Variants in CHL1 observed in about 807,000 individuals in gnomAD.
CHL1 encodes the protein neural cell adhesion molecule L1-like protein.
A neutral mutation model predicts 141.9 loss-of-function variants in CHL1; 96 were observed. That is an observed-to-expected ratio of 0.68 (90% CI 0.57 to 0.80). The LOEUF (loss-of-function observed/expected upper bound fraction) is 0.80. Ranked by LOEUF, CHL1 falls within the 30% of genes least tolerant of loss-of-function variation. CHL1 has a pLI of 0.00. For synonymous variants in CHL1, 613 were observed against 502.2 expected, an observed-to-expected ratio of 1.22 and a Z score of -2.95; for missense variants, 1,820 against 1,457.2, an observed-to-expected ratio of 1.25 and a Z score of -4.05.
intron 15 of CHL1, among the ~76,000 whole-genome samples, chr3:373,437 C>CACAGTGG (rs548440063): frequency 6.6e-5 from 10 of 152,346 alleles, no homozygotes; most frequent in Admixed American, 3.3e-4. Context: ...CTGTGGGGGA[C>CACAGTGG]GTGTCTTGGG....
intron 5 of CHL1, among the ~76,000 whole-genome samples, chr3:329,111 T>C (rs1413180011): frequency 2.0e-5 from 3 of 152,154 alleles, no homozygotes; most frequent in Non-Finnish European, 4.4e-5. Flanking sequence ...TTATTTGCCC[T>C]ATGTGCATGG....
At chr3:378,218 C>T (rs1575220730) in intron 16 of CHL1, among the ~76,000 whole-genome samples, 1 of 152,132 alleles carries the variant, frequency 6.6e-6, no homozygotes, top group Non-Finnish European at 1.5e-5. Context: ...ATAAAGCACG[C>T]TTGAGTTCCT....
intron 2 of CHL1, among the ~76,000 whole-genome samples, chr3:277,055 G>A (rs1019380215): frequency 1.3e-5 from 2 of 151,942 alleles, no homozygotes; most frequent in South Asian, 2.1e-4. Flanking sequence ...CTGCCTCATA[G>A]GATTATTATT....
At chr3:273,520 T>C (rs1006215074) in intron 2 of CHL1, among the ~76,000 whole-genome samples, 6 of 152,192 alleles carry the variant, frequency 3.9e-5, no homozygotes, top group Non-Finnish European at 7.3e-5. Context: ...CAGTCCCTTA[T>C]TGTTTTGCCA....
intron 2 of CHL1, among the ~76,000 whole-genome samples, chr3:280,785 A>G (rs1696570745): frequency 6.6e-6 from 1 of 152,128 alleles, no homozygotes; most frequent in Non-Finnish European, 1.5e-5. Context: ...AAGTTTAATC[A>G]TTACTCTTCT....
At chr3:258,809 C>G (rs1574884068) in intron 2 of CHL1, among the ~76,000 whole-genome samples, 1 of 151,850 alleles carries the variant, frequency 6.6e-6, no homozygotes, top group African/African-American at 2.4e-5. Flanking sequence ...CTTCTTTATC[C>G]ATACCCTAAG....
chr3:339,287 A>G (rs1702178427), intron 5 of CHL1, among the ~76,000 whole-genome samples: 1 of 152,196 alleles, frequency 6.6e-6, no homozygotes, highest in African/African-American at 2.4e-5. Context: ...TTTCCATAGC[A>G]TTTGATGTCA....
chr3:334,766 G>A (rs1329799935), intron 5 of CHL1, among the ~76,000 whole-genome samples: 1 of 152,110 alleles, frequency 6.6e-6, no homozygotes, highest in East Asian at 1.9e-4. Flanking sequence ...ATTTAGTTGT[G>A]TACTGTTAGG....
intron 2 of CHL1, among the ~76,000 whole-genome samples, chr3:296,348 A>G (rs997780562): frequency 6.6e-6 from 1 of 152,230 alleles, no homozygotes; most frequent in African/African-American, 2.4e-5. Flanking sequence ...ACTATTTTAT[A>G]TACCAAAATT....
intron 2 of CHL1, among the ~76,000 whole-genome samples, chr3:285,355 T>C (rs1221056632): frequency 3.3e-5 from 5 of 152,228 alleles, no homozygotes; most frequent in Non-Finnish European, 5.9e-5. Context: ...AAAATGCCAA[T>C]GGCATTTAAA....
intron 1 of CHL1, among the ~76,000 whole-genome samples, chr3:218,917 C>A (rs941186754): frequency 6.6e-6 from 1 of 152,078 alleles, no homozygotes; most frequent in Non-Finnish European, 1.5e-5. Flanking sequence ...GAGGCCAAGA[C>A]GGGCGGATCA....
intron 1 of CHL1, among the ~76,000 whole-genome samples, chr3:244,144 T>G (rs914762051): frequency 1.3e-5 from 2 of 152,194 alleles, no homozygotes; most frequent in African/African-American, 2.4e-5. Flanking sequence ...ACTCTGTAGT[T>G]CAGAGGTCTG....
chr3:329,612 AAG>A (rs1380782304), intron 5 of CHL1, among the ~76,000 whole-genome samples: 1 of 152,010 alleles, frequency 6.6e-6, no homozygotes, highest in African/African-American at 2.4e-5. Flanking sequence ...CAGAAAGAAA[AAG>A]AGATAGAAAT....
chr3:248,259 G>T (rs999296403), intron 2 of CHL1: 5 of 152,106 alleles, frequency 3.3e-5, no homozygotes, highest in Non-Finnish European at 5.9e-5. Flanking sequence ...TCCAAGGCAT[G>T]AAAATTCAGT....
At chr3:282,967 T>A (rs1696797535) in intron 2 of CHL1, among the ~76,000 whole-genome samples, 1 of 152,220 alleles carries the variant, frequency 6.6e-6, no homozygotes, top group South Asian at 2.1e-4. Context: ...GGGATCCAAG[T>A]AAAAGCCCTG....
At position 360,722 on chromosome 3, in the gene CHL1, C is replaced by T. The variant is rs1160305836; in HGVS notation, c.1306+298C>T. 3.5e-5 allele frequency among the ~76,000 whole-genome samples: 5 copies of T among 143,424 alleles called. No individual in the cohort carries two copies. In the South Asian group the frequency reaches 6.6e-4, roughly 19 times the overall value. 94.1% of individuals were successfully genotyped at this position (143,424 alleles called of 152,430 possible). On this transcript the variant is annotated intron_variant, in intron 12 of 27. Transcript: ENST00000256509. Reference sequence around the variant, plus strand: ...GTCATCTAGCATTAGGTATATCTCCCGATGCTATCCCGCCCCCCCTCCCCC... The same window carrying T: ...GTCATCTAGCATTAGGTATATCTCCTGATGCTATCCCGCCCCCCCTCCCCC...
chr3:227,171 G>C (rs1701428989), intron 1 of CHL1, among the ~76,000 whole-genome samples: 1 of 152,102 alleles, frequency 6.6e-6, no homozygotes, highest in South Asian at 2.1e-4. Context: ...ACCCATGAAT[G>C]TCCATCTATT....
intron 1 of CHL1, chr3:213,668 T>G (rs905379770): frequency 1.6e-4 from 24 of 152,172 alleles, no homozygotes; most frequent in African/African-American, 5.6e-4. Context: ...TATGGGAGAT[T>G]AGAATAGAGA....
At chr3:220,582 A>G (rs568522309) in intron 1 of CHL1, among the ~76,000 whole-genome samples, 8 of 152,202 alleles carry the variant, frequency 5.3e-5, no homozygotes, top group Non-Finnish European at 1.2e-4. Context: ...CAGATATCAA[A>G]GAAGTCCTCA....
Sources: gnomAD v4.1 joint callset for allele counts (sites outside exome capture counted in the v4.1 genomes callset) on GRCh38, gnomAD v4.1.1 for gene constraint, MANE v1.5 for transcripts, NCBI Gene and HGNC (gene_info 2026-07-23, HGNC 2026-07-21) for gene names.